The following AKAP13 variants were observed in gnomAD, a reference collection of about 807,000 sequenced individuals.
The protein encoded by AKAP13 is A-kinase anchor protein 13.
Under a neutral mutation model 264.5 loss-of-function variants are expected in AKAP13, and 80 were observed. That is an observed-to-expected ratio of 0.30 (90% confidence interval 0.25 to 0.36). The LOEUF (loss-of-function observed/expected upper bound fraction) is 0.36. AKAP13 is among the 10% of genes least tolerant of loss of function. The pLI is 1.00. For synonymous variants in AKAP13, 1,380 were observed against 1,250.2 expected, an observed-to-expected ratio of 1.10 and a Z score of -2.19; for missense variants, 3,712 against 3,435.2, an observed-to-expected ratio of 1.08 and a Z score of -2.01.
At chr15:85,599,289 T>C (rs2079952113) in intron 8 of AKAP13, among the ~76,000 whole-genome samples, 1 of 152,218 alleles carries the variant, frequency 6.6e-6, no homozygotes, top group Non-Finnish European at 1.5e-5. Context: ...AGAAGAAATA[T>C]TGTTTGAAGA....
At chr15:85,443,637 G>A (rs2073791149) in intron 1 of AKAP13, among the ~76,000 whole-genome samples, 1 of 152,224 alleles carries the variant, frequency 6.6e-6, no homozygotes, top group South Asian at 2.1e-4. Context: ...TATAAATACA[G>A]CATTATAATC....
At chr15:85,478,062 A>G (rs2075232370) in intron 1 of AKAP13, among the ~76,000 whole-genome samples, 1 of 152,126 alleles carries the variant, frequency 6.6e-6, no homozygotes, top group Non-Finnish European at 1.5e-5. Flanking sequence ...CCCATCTTCT[A>G]GAGAGTTTAT....
At chr15:85,585,909 G>C in intron 8 of AKAP13, 86 bp downstream of exon 8, 1 of 1,548,550 alleles carries the variant, frequency 6.5e-7, no homozygotes, top group South Asian at 1.2e-5. Flanking sequence ...TCTTTTATTT[G>C]AGGGTAAGTG....
chr15:85,686,165 G>GTGTGTGTGTGTA (rs1420664417), intron 16 of AKAP13, among the ~76,000 whole-genome samples: 30 of 132,206 alleles, frequency 2.3e-4, no homozygotes, highest in African/African-American at 8.8e-4. Context: ...GTGTGTGTGT[G>GTGTGTGTGTGTA]TATGTGTGTG....
chr15:85,399,825 A>G (rs929794161), intron 1 of AKAP13, among the ~76,000 whole-genome samples: 2 of 152,210 alleles, frequency 1.3e-5, no homozygotes, highest in African/African-American at 4.8e-5. Context: ...ACAGGGAAGT[A>G]TTTGAGATAA....
chr15:85,511,021 A>T (rs1275677861), intron 2 of AKAP13, among the ~76,000 whole-genome samples: 1 of 152,106 alleles, frequency 6.6e-6, no homozygotes, highest in Non-Finnish European at 1.5e-5. Flanking sequence ...GATGAAAGAT[A>T]TGTTATGAAA....
intron 1 of AKAP13, among the ~76,000 whole-genome samples, chr15:85,404,293 G>C (rs968981563): frequency 5.3e-5 from 8 of 152,256 alleles, no homozygotes; most frequent in Non-Finnish European, 1.2e-4. Flanking sequence ...AGTTTTGGTC[G>C]TATCACTGCC....
chr15:85,689,702 G>A (rs150772633), intron 16 of AKAP13, among the ~76,000 whole-genome samples: 118 of 152,296 alleles, frequency 7.7e-4, no homozygotes, highest in Non-Finnish European at 1.4e-3. Context: ...TTAACTTCCC[G>A]TGTAAAAACT....
rs751811557 is a variant in AKAP13, at chr15:85,730,566, A to T, written c.7141A>T (p.Met2381Leu). 6.2e-7 allele frequency: 1 copy of T among 1,614,146 alleles called. No individual in the cohort carries two copies. Among genetic ancestry groups the T allele is most frequent in the East Asian group, 2.2e-5 (1 of 44,880 alleles). The change falls in exon 30 of 37, where the codon ATG (methionine) becomes TTG (leucine). Residue 2381 changes from methionine (M) to leucine (L), a missense_variant. Around this residue, in one of 3 missense-constraint regions of AKAP13, gnomAD observed 342 missense variants for 484.3 expected, o/e 0.71. Coordinates refer to ENST00000394518, the MANE Select transcript of AKAP13 (RefSeq NM_007200.5). ...KILLLLEEKE[M>L]IFRDMAECST... The stretch of plus-strand genomic sequence containing the variant: ...CCTACTCTTGTTGGAAGAGAAGGAG[A>T]TGATTTTCCGGGACATGGCTGAGTG...
intron 5 of AKAP13, among the ~76,000 whole-genome samples, chr15:85,544,971 T>C (rs952233850): frequency 6.6e-6 from 1 of 152,130 alleles, no homozygotes; most frequent in African/African-American, 2.4e-5. Flanking sequence ...AATGTAGTGC[T>C]ACTTACGGTT....
At chr15:85,684,431 C>T (rs2084783234) in intron 15 of AKAP13, 1 of 196,180 alleles carries the variant, frequency 5.1e-6, no homozygotes, top group Non-Finnish European at 1.0e-5. Flanking sequence ...GGCGTGGTGG[C>T]ATGTGCCTTT....
At position 85,730,648 on chromosome 15, in the gene AKAP13, G is replaced by A. The variant is rs767721268; in HGVS notation, c.7223G>A (p.Arg2408His). The A allele has an allele frequency of 2.5e-6, 4 of 1,614,052 alleles. No homozygotes were observed. Among genetic ancestry groups the A allele is most frequent in the Non-Finnish European group, 3.4e-6 (4 of 1,180,008 alleles). The change falls in exon 30 of 37, where the codon CGC becomes CAC. Residue 2408 changes from arginine (R) to histidine (H), a missense_variant. Around this residue, in one of 3 missense-constraint regions of AKAP13, gnomAD observed 611 missense variants for 539.3 expected, o/e 1.13. Coordinates refer to ENST00000394518, the MANE Select transcript of AKAP13 (RefSeq NM_007200.5). Reference sequence around the variant, plus strand: ...ACACATAGCCCTAGAGTTCTCTTCCGCTCCAACACAGAAGAGGCTCTCAAA... The same window carrying A: ...ACACATAGCCCTAGAGTTCTCTTCCACTCCAACACAGAAGAGGCTCTCAAA... ...SPTHSPRVLF[R>H]SNTEEALKGG...
At chr15:85,594,345 A>G (rs1346417189) in intron 8 of AKAP13, among the ~76,000 whole-genome samples, 1 of 152,230 alleles carries the variant, frequency 6.6e-6, no homozygotes, top group Non-Finnish European at 1.5e-5. Flanking sequence ...AGGAAAGGCA[A>G]TTATTAAACC....
Position 85,726,395 on chromosome 15 carries a change from A to G in AKAP13, c.6746-15A>G, listed in dbSNP as rs779295051. The G allele has an allele frequency of 9.9e-6, 16 of 1,608,264 alleles. No homozygotes were observed. The Admixed American group carries it at 2.5e-4, about 25-fold the overall frequency. On this transcript the variant is annotated splice_polypyrimidine_tract_variant and intron_variant, in intron 26 of 36. Coordinates refer to ENST00000394518, the MANE Select transcript of AKAP13 (RefSeq NM_007200.5). ...TCATCGTTTTATCTTCCCTTCTCCCATTTCCATTTTCCAGAGGTTCAAGCA... is the reference window on the plus strand; with the variant it reads ...TCATCGTTTTATCTTCCCTTCTCCCGTTTCCATTTTCCAGAGGTTCAAGCA...
chr15:85,738,897 C>T (rs989840321), intron 33 of AKAP13, among the ~76,000 whole-genome samples: 3 of 147,364 alleles, frequency 2.0e-5, no homozygotes, highest in Non-Finnish European at 4.5e-5. Context: ...CAGCCTTCTA[C>T]ATAACATATC....
intron 8 of AKAP13, among the ~76,000 whole-genome samples, chr15:85,588,429 G>A (rs971046042): frequency 2.0e-4 from 30 of 152,262 alleles, no homozygotes; most frequent in African/African-American, 7.2e-4. Context: ...CCCTTAGAAA[G>A]GGAAGGAAAA....
intron 1 of AKAP13, among the ~76,000 whole-genome samples, chr15:85,414,384 A>G (rs2072132583): frequency 6.6e-6 from 1 of 152,180 alleles, no homozygotes; most frequent in Non-Finnish European, 1.5e-5. Flanking sequence ...GTAAAAAAAA[A>G]TCCAAGAGGA....
chr15:85,677,517 G>A (rs338513), intron 14 of AKAP13, among the ~76,000 whole-genome samples: 31,958 of 152,018 alleles, frequency 0.21, 4,932 homozygotes, highest in East Asian at 0.54. Context: ...CATCTGTGGT[G>A]TTTAAAAGCT....
intron 8 of AKAP13, among the ~76,000 whole-genome samples, chr15:85,587,431 C>G (rs2079406222): frequency 6.6e-6 from 1 of 152,090 alleles, no homozygotes; most frequent in Non-Finnish European, 1.5e-5. Context: ...TATAGATATA[C>G]CACATTTTTT....
Sources: gnomAD v4.1 joint callset for allele counts (sites outside exome capture counted in the v4.1 genomes callset) on GRCh38, gnomAD v4.1.1 for gene constraint, gnomAD v4.1.1 regional missense constraint, MANE v1.5 for transcripts, NCBI Gene and HGNC (gene_info 2026-07-23, HGNC 2026-07-21) for gene names.